The following SVEP1 variants were observed in gnomAD, a reference collection of about 807,000 sequenced individuals.
The protein encoded by SVEP1 is sushi, von Willebrand factor type A, EGF and pentraxin domain containing 1.
Under a neutral mutation model 367.3 loss-of-function variants are expected in SVEP1, and 164 were observed. The ratio of observed to expected loss-of-function variants is 0.45; its 90% CI spans 0.39 to 0.51. The LOEUF is 0.51. Ranked by LOEUF, SVEP1 falls within the 20% of genes least tolerant of loss-of-function variation. SVEP1 has a pLI of 0.00. For synonymous variants in SVEP1, 1,666 were observed against 1,611.6 expected (o/e 1.03, Z -0.81); for missense variants, 4,117 against 4,425.3 (o/e 0.93, Z 1.98).
chr9:110,395,465 T>A (rs13301932), intron 40 of SVEP1, among the ~76,000 whole-genome samples: 15,555 of 152,190 alleles, frequency 0.1, 939 homozygotes, highest in Middle Eastern at 0.15. Context: ...AATAGCCAGC[T>A]GACATCATAA....
At chr9:110,442,498 T>C (rs1588055305) in intron 27 of SVEP1, 1 of 151,344 alleles carries the variant, frequency 6.6e-6, no homozygotes, top group African/African-American at 2.4e-5. Flanking sequence ...CCTCTCTCCA[T>C]TGCCCAGGCT....
chr9:110,522,817 G>A (rs1274684374), intron 3 of SVEP1, among the ~76,000 whole-genome samples: 1 of 152,068 alleles, frequency 6.6e-6, no homozygotes, highest in Non-Finnish European at 1.5e-5. Context: ...TAAGAAATTA[G>A]TCTGTAGTCG....
rs1827308642 is a variant in SVEP1, at chr9:110,373,608, T to A, written c.10600+1760A>T. ...GTGGTATGTCAGAATTAATACTTCA[T>A]AAATATAGCAAGCCCTATGTTTTAA... On this transcript the variant is annotated intron_variant, in intron 46 of 47. Transcript: ENST00000374469. Among the ~76,000 whole-genome samples the A allele has an allele frequency of 2.1e-5, 3 of 145,378 alleles. No individual in the cohort carries two copies. In the South Asian group the frequency reaches 6.2e-4, roughly 30 times the overall value.
intron 1 of SVEP1, among the ~76,000 whole-genome samples, chr9:110,557,763 T>C (rs998745867): frequency 1.1e-4 from 16 of 152,136 alleles, no homozygotes; most frequent in African/African-American, 3.9e-4. Context: ...TTATTATTAA[T>C]ATTATTAAAG....
At position 110,379,349 on chromosome 9, in the gene SVEP1, C is replaced by T; in HGVS notation, c.10406G>A (p.Arg3469Lys). ...NGTWTSPPIC[R>K]AVCRFPCQNG... The stretch of plus-strand genomic sequence containing the variant: ...TAACCATTCAAATATTTCCTTACCT[C>T]TGCAAATAGGAGGTGATGTCCATGT... Residue 3469 changes from arginine to lysine, a missense_variant and splice_region_variant, in exon 44 of 48, where the codon AGA (arginine) becomes AAA (lysine). Physicochemically the swap from Arg to Lys is conservative, Grantham distance 26 (BLOSUM62 2). Around this residue, in one of 4 missense-constraint regions of SVEP1, gnomAD observed 1,765 missense variants for 1,781.1 expected, o/e 0.99. Coordinates refer to ENST00000374469, the MANE Select transcript of SVEP1 (RefSeq NM_153366.4). 6.2e-7 allele frequency: 1 copy of T among 1,613,406 alleles called. No homozygotes were observed. Among genetic ancestry groups the T allele is most frequent in the Middle Eastern group, 1.7e-4 (1 of 6,054 alleles).
Position 110,562,272 on chromosome 9 carries a change from G to A in SVEP1, c.532-12168C>T, listed in dbSNP as rs368032751. On this transcript the variant is annotated intron_variant, in intron 1 of 47. Transcript: ENST00000374469. ...AGTCATCAGAATCCAAATGAAAATT[G>A]GAGGCTAAATGACCTATCATTCTTA... is the stretch of plus-strand genomic sequence containing the variant. 7.9e-5 allele frequency among the ~76,000 whole-genome samples: 12 copies of A among 151,384 alleles called. 1 individual carries two copies. The South Asian group carries it at 2.1e-3, about 26-fold the overall frequency.
chr9:110,381,904 GTTC>G (rs1827444425), intron 43 of SVEP1, among the ~76,000 whole-genome samples: 7 of 152,256 alleles, frequency 4.6e-5, no homozygotes, highest in Admixed American at 3.9e-4. Context: ...AGGATAGTTA[GTTC>G]TTCTTCTTGA....
rs1829458745 is a variant in SVEP1 at position 110,496,930 on chromosome 9, A to C, written c.1685T>G (p.Val562Gly). 6.5e-7 allele frequency: 1 copy of C among 1,539,896 alleles called. No homozygotes were observed. The highest frequency in any genetic ancestry group is 2.0e-5 in the Admixed American group (1 of 50,290). The change falls in exon 8 of 48, where the codon GTG becomes GGG. Residue 562 changes from valine (V) to glycine (G), a missense_variant. Physicochemically the swap from Val to Gly is moderately radical, Grantham distance 109. Transcript: ENST00000374469. Reference protein sequence around the residue: ...VGVQAAVCKDVEAPQINCPKD... With the variant: ...VGVQAAVCKDGEAPQINCPKD... The stretch of plus-strand genomic sequence containing the variant: ...AGGACAGTTGATTTGAGGAGCCTCC[A>C]CGTCTAACTCAGAAAAATACACAAG...
Position 110,416,446 on chromosome 9 carries a change from G to A in SVEP1, c.5976-4711C>T, listed in dbSNP as rs150456814. Among the ~76,000 whole-genome samples, 1,339 of 151,966 alleles carry A rather than the reference G, an allele frequency of 8.8e-3. 27 individuals are homozygous for A. Among genetic ancestry groups the A allele is most frequent in the Admixed American group, 0.041 (624 of 15,272 alleles). On this transcript the variant is annotated intron_variant, in intron 36 of 47. Coordinates refer to ENST00000374469, the MANE Select transcript of SVEP1 (RefSeq NM_153366.4). ...AATCAGTGAACTGGAAGAAATATAT[G>A]AGGAAATTATCCAAATGTAATAGGT...
intron 20 of SVEP1, 60 bp downstream of exon 20, chr9:110,458,411 A>G (rs1828809222): frequency 6.8e-7 from 1 of 1,468,328 alleles, no homozygotes; most frequent in Non-Finnish European, 9.4e-7. Context: ...GTGATGTGTA[A>G]AATGACAAAT....
chr9:110,502,386 G>A (rs767045724), intron 6 of SVEP1, among the ~76,000 whole-genome samples: 5 of 152,000 alleles, frequency 3.3e-5, no homozygotes, highest in Admixed American at 1.3e-4. Flanking sequence ...ACAGGCGTGA[G>A]CCACCTTGCC....
At position 110,382,948 on chromosome 9, in the gene SVEP1, C is replaced by T. The variant is rs531566223; in HGVS notation, c.10237+2950G>A. 7.2e-5 allele frequency among the ~76,000 whole-genome samples: 11 copies of T among 152,298 alleles called. No homozygotes were observed. The South Asian group carries it at 1.0e-3, about 14-fold the overall frequency. On this transcript the variant is annotated intron_variant, in intron 43 of 47. Transcript: ENST00000374469. Reference sequence around the variant, plus strand: ...TTTCTAAACTGGTTATTCTGGTTAACGGATCCTGTAATGTTTTATCCTGGT... The same window carrying T: ...TTTCTAAACTGGTTATTCTGGTTAATGGATCCTGTAATGTTTTATCCTGGT...
chr9:110,395,134 G>T (rs1244403844), intron 40 of SVEP1, among the ~76,000 whole-genome samples: 1 of 152,160 alleles, frequency 6.6e-6, no homozygotes, highest in Admixed American at 6.5e-5. Flanking sequence ...GGGAAGCCCA[G>T]CAGACTAACA....
chr9:110,372,475 C>A (rs1425830281), intron 46 of SVEP1, among the ~76,000 whole-genome samples: 1 of 152,126 alleles, frequency 6.6e-6, no homozygotes, highest in Admixed American at 6.5e-5. Context: ...AGTTCAGTGT[C>A]ATTAGGAGCA....
At chr9:110,451,097 G>A (rs1233543571) in intron 23 of SVEP1, among the ~76,000 whole-genome samples, 192 bp downstream of exon 23, 2 of 152,058 alleles carry the variant, frequency 1.3e-5, no homozygotes, top group Non-Finnish European at 2.9e-5. Flanking sequence ...AGAGTAAATT[G>A]CAGACCTGCA....
In SVEP1 at chr9:110,389,151, C is replaced by A. The variant is rs568882771; in HGVS notation, c.9886+373G>T. 2.2e-4 allele frequency among the ~76,000 whole-genome samples: 34 copies of A among 152,236 alleles called. No homozygotes were observed. In the Middle Eastern group the frequency reaches 0.014, roughly 61 times the overall value. ...ATTGATTTGACAGATGGACCAACAGCACGTTAAAAGTATTGGCTAGTACTG... is the reference window on the plus strand; with the variant it reads ...ATTGATTTGACAGATGGACCAACAGAACGTTAAAAGTATTGGCTAGTACTG... On this transcript the variant is annotated intron_variant, in intron 41 of 47. Transcript: ENST00000374469.
chr9:110,426,488 T>C (rs1828254668), intron 36 of SVEP1, among the ~76,000 whole-genome samples: 1 of 152,208 alleles, frequency 6.6e-6, no homozygotes, highest in African/African-American at 2.4e-5. Context: ...GGTCACACTA[T>C]TTCCCTAAGG....
At chr9:110,391,170 C>G (rs1827649022) in intron 40 of SVEP1, among the ~76,000 whole-genome samples, 1 of 151,968 alleles carries the variant, frequency 6.6e-6, no homozygotes, top group South Asian at 2.1e-4. Flanking sequence ...TCTGTTGAAT[C>G]AGTACCAAAT....
intron 35 of SVEP1, among the ~76,000 whole-genome samples, chr9:110,428,427 C>CACACACACACACACACA (rs1554714275): frequency 1.0e-5 from 1 of 98,028 alleles, no homozygotes. Flanking sequence ...CACACACACA[C>CACACACACACACACACA]ACCATTAATC....
Sources: allele counts gnomAD v4.1 joint callset (sites outside exome capture counted in the v4.1 genomes callset), GRCh38; gene constraint gnomAD v4.1.1; regional missense constraint gnomAD v4.1.1; transcripts MANE v1.5; gene names NCBI Gene and HGNC (gene_info 2026-07-23, HGNC 2026-07-21).